Variants in HS6ST3 observed in about 807,000 individuals in gnomAD.
HS6ST3 encodes the protein heparan sulfate 6-O-sulfotransferase 3.
Under a neutral mutation model 36.7 loss-of-function variants are expected in HS6ST3, and 12 were observed. The observed-to-expected ratio is 0.33, with a 90% CI of 0.21 to 0.53. HS6ST3 has a LOEUF of 0.53. Ranked by LOEUF, HS6ST3 falls within the 20% of genes least tolerant of loss-of-function variation. The pLI is 0.95. For synonymous variants in HS6ST3, 240 were observed against 257.5 expected, an observed-to-expected ratio of 0.93 and a Z score of 0.65; for missense variants, 584 against 640.9, an observed-to-expected ratio of 0.91 and a Z score of 0.96.
At chr13:96,760,331 G>C (rs1200914017) in intron 1 of HS6ST3, among the ~76,000 whole-genome samples, 1 of 151,650 alleles carries the variant, frequency 6.6e-6, no homozygotes, top group Non-Finnish European at 1.5e-5. Flanking sequence ...TTTACTTACA[G>C]TTCTTGATTT....
At chr13:96,110,131 T>C (rs1324650346) in intron 1 of HS6ST3, among the ~76,000 whole-genome samples, 1 of 152,116 alleles carries the variant, frequency 6.6e-6, no homozygotes. Context: ...CTGCTGGCTA[T>C]ATAAGCATGG....
At chr13:96,706,816 G>T (rs1162796388) in intron 1 of HS6ST3, among the ~76,000 whole-genome samples, 1 of 152,110 alleles carries the variant, frequency 6.6e-6, no homozygotes, top group South Asian at 2.1e-4. Flanking sequence ...ACTGAGTCTA[G>T]TTCTGATTGT....
At chr13:96,131,848 A>T (rs1322990071) in intron 1 of HS6ST3, among the ~76,000 whole-genome samples, 1 of 151,704 alleles carries the variant, frequency 6.6e-6, no homozygotes, top group African/African-American at 2.4e-5. Context: ...TTGTAACCTG[A>T]CAAACGTCAC....
chr13:96,273,870 T>C (rs530240293), intron 1 of HS6ST3, among the ~76,000 whole-genome samples: 76 of 151,966 alleles, frequency 5.0e-4, no homozygotes, highest in Middle Eastern at 3.4e-3. Context: ...AGGCCCTTCC[T>C]TTCTACCTTC....
chr13:96,680,393 G>T (rs1410257182), intron 1 of HS6ST3, among the ~76,000 whole-genome samples: 2 of 152,156 alleles, frequency 1.3e-5, no homozygotes, highest in African/African-American at 4.8e-5. Flanking sequence ...GAGATCCCCA[G>T]ACTGCTCTGA....
intron 1 of HS6ST3, among the ~76,000 whole-genome samples, chr13:96,799,979 T>TAC (rs1878015761): frequency 6.6e-5 from 6 of 90,412 alleles, no homozygotes; most frequent in East Asian, 3.1e-4. Context: ...TATATATATA[T>TAC]ATGTATATAT....
At chr13:96,392,467 A>G (rs2055400746) in intron 1 of HS6ST3, among the ~76,000 whole-genome samples, 1 of 152,124 alleles carries the variant, frequency 6.6e-6, no homozygotes, top group East Asian at 1.9e-4. Context: ...TGAAAAAGAG[A>G]ACACGACCCC....
chr13:96,155,548 C>A (rs2054106304), intron 1 of HS6ST3, among the ~76,000 whole-genome samples: 1 of 151,106 alleles, frequency 6.6e-6, no homozygotes, highest in Admixed American at 6.6e-5. Context: ...AAATTCATGT[C>A]TATGCTATTC....
At position 96,460,441 on chromosome 13, in the gene HS6ST3, G is replaced by A. The variant is rs1354366724; in HGVS notation, c.707+368872G>A. Among the ~76,000 whole-genome samples, 8 of 152,180 alleles carry A rather than the reference G, an allele frequency of 5.3e-5. 1 individual carries two copies. In the Middle Eastern group the frequency reaches 0.01, roughly 194 times the overall value. On this transcript the variant is annotated intron_variant, in intron 1 of 1. Transcript: ENST00000376705. ...TGGAATTGTTTCCTTCTCAGAGTTC[G>A]TATATTTTCTGTAAGATTCAGTAAT...
intron 1 of HS6ST3, among the ~76,000 whole-genome samples, chr13:96,595,548 T>G (rs1054238502): frequency 3.3e-5 from 5 of 152,068 alleles, no homozygotes; most frequent in African/African-American, 1.2e-4. Context: ...ATCTGATTGG[T>G]GACCTTCAGC....
intron 1 of HS6ST3, among the ~76,000 whole-genome samples, chr13:96,596,433 G>A (rs1280166982): frequency 1.3e-5 from 2 of 152,104 alleles, no homozygotes; most frequent in African/African-American, 2.4e-5. Flanking sequence ...ATGCAGGCAG[G>A]CACCTTTTTG....
Position 96,387,926 on chromosome 13 carries a change from G to T in HS6ST3, c.707+296357G>T, listed in dbSNP as rs186463694. Among the ~76,000 whole-genome samples the T allele has an allele frequency of 6.7e-4, 102 of 152,244 alleles. No homozygotes were observed. In the East Asian group the frequency reaches 0.019, roughly 28 times the overall value. ...AGGTTCCTTGATTGCCAGCCATCTG[G>T]TGTAGGTTTCGCCTCTGAGTCTTAG... On this transcript the variant is annotated intron_variant, in intron 1 of 1. Transcript: ENST00000376705.
chr13:96,561,620 C>A lies in HS6ST3; in HGVS notation c.708-270870C>A, dbSNP rs565134735. Among the ~76,000 whole-genome samples the A allele has an allele frequency of 1.6e-3, 243 of 152,054 alleles. 1 individual carries two copies. Among genetic ancestry groups the A allele is most frequent in the African/African-American group, 5.7e-3 (235 of 41,482 alleles). ...AGGCACCCTATTGGATGGGAAAAAA[C>A]ACTGAGAAACTATGCATCTGTCAAA... On this transcript the variant is annotated intron_variant, in intron 1 of 1. Coordinates refer to ENST00000376705, the MANE Select transcript of HS6ST3 (RefSeq NM_153456.4).
At chr13:96,163,431 G>T (rs188096450) in intron 1 of HS6ST3, among the ~76,000 whole-genome samples, 2 of 151,698 alleles carry the variant, frequency 1.3e-5, no homozygotes. Context: ...GGGTTTCACC[G>T]TATTAGCTAG....
At chr13:96,352,450 G>T (rs1020799706) in intron 1 of HS6ST3, among the ~76,000 whole-genome samples, 1 of 152,230 alleles carries the variant, frequency 6.6e-6, no homozygotes, top group African/African-American at 2.4e-5. Flanking sequence ...GGCCACTCAA[G>T]TGTCTTTACA....
chr13:96,609,578 G>A (rs1262732291), intron 1 of HS6ST3, among the ~76,000 whole-genome samples: 1 of 152,066 alleles, frequency 6.6e-6, no homozygotes, highest in East Asian at 1.9e-4. Flanking sequence ...TTATTGACGA[G>A]GTCTCTGTCA....
intron 1 of HS6ST3, among the ~76,000 whole-genome samples, chr13:96,549,769 A>G (rs1049468628): frequency 6.6e-6 from 1 of 152,020 alleles, no homozygotes; most frequent in Non-Finnish European, 1.5e-5. Flanking sequence ...TGAGCTTGCC[A>G]TATTTCCATG....
chr13:96,489,435 A>G (rs987058277), intron 1 of HS6ST3, among the ~76,000 whole-genome samples: 3 of 152,018 alleles, frequency 2.0e-5, no homozygotes, highest in Non-Finnish European at 4.4e-5. Context: ...AGTAAAAAAT[A>G]AAAAACATGT....
intron 1 of HS6ST3, among the ~76,000 whole-genome samples, chr13:96,385,683 A>G (rs981417582): frequency 1.3e-5 from 2 of 152,214 alleles, no homozygotes; most frequent in African/African-American, 2.4e-5. Flanking sequence ...AATGTAGATA[A>G]TGCTATCATT....
Sources: gnomAD v4.1 joint callset for allele counts (sites outside exome capture counted in the v4.1 genomes callset) on GRCh38, gnomAD v4.1.1 for gene constraint, MANE v1.5 for transcripts, NCBI Gene and HGNC (gene_info 2026-07-23, HGNC 2026-07-21) for gene names.